Variants in ZNF446 observed in about 807,000 individuals in gnomAD.
ZNF446 encodes zinc finger protein with KRAB and SCAN domains 20.
Under a neutral mutation model 34.0 loss-of-function variants are expected in ZNF446, and 42 were observed. That is an observed-to-expected ratio of 1.23 (90% CI 0.96 to 1.60). The LOEUF (loss-of-function observed/expected upper bound fraction) is 1.60, where lower values mean the gene tolerates loss of function less well. ZNF446 is among the 40% of genes most tolerant of loss of function. ZNF446 has a pLI of 0.00. For synonymous variants in ZNF446, 315 were observed against 251.0 expected (o/e 1.25, Z -2.41); for missense variants, 650 against 600.2 (o/e 1.08, Z -0.87).
At chr19:58,486,591 A>G in the ZNF446 span, among the ~76,000 whole-genome samples, 3 of 146,542 alleles carry the variant, frequency 2.0e-5, no homozygotes, top group African/African-American at 7.7e-5. Context: ...TATTTTTAGT[A>G]GAGGCGGGGT....
rs2053106263 is a variant in ZNF446 at position 58,478,158 on chromosome 19, TC to T, written c.606del (p.Phe203SerfsTer163). On this transcript the variant is annotated frameshift_variant, in exon 4 of 7. Coordinates refer to ENST00000594369, the MANE Select transcript of ZNF446 (RefSeq NM_017908.4). LOFTEE classifies it high-confidence loss of function. ...TGGACACCAAGAACCAGCCTCCACA[TC>T]CTTCCACCCACCCAGGATTCAGGTG... ...NHGHQEPAST[S>X]FHPPRIQEEW... The T allele has an allele frequency of 1.9e-6, 3 of 1,613,800 alleles. No individual in the cohort carries two copies. Among genetic ancestry groups the T allele is most frequent in the Non-Finnish European group, 2.5e-6 (3 of 1,179,908 alleles).
intron 4 of ZNF446, among the ~76,000 whole-genome samples, chr19:58,478,612 C>G (rs911499541): frequency 6.6e-6 from 1 of 151,016 alleles, no homozygotes; most frequent in Non-Finnish European, 1.5e-5. Flanking sequence ...TGCAGTGAGC[C>G]GAGATTGTGC....
chr19:58,483,269 G>A (rs540885848), downstream of ZNF446, among the ~76,000 whole-genome samples: 54 of 152,214 alleles, frequency 3.5e-4, no homozygotes, highest in Non-Finnish European at 6.6e-4. Context: ...AAGGCAGGTG[G>A]ACCACTTGGA....
rs745416563 is a variant in ZNF446 at position 58,480,698 on chromosome 19, G to T, written c.1325G>T (p.Arg442Leu). The part of the protein sequence containing the change: ...FDWKSQLVIH[R>L]KGHRPEVP Reference sequence around the variant, plus strand: ...TGGAAGTCGCAGCTGGTCATCCACCGCAAGGGCCACCGGCCGGAGGTTCCA... The same window carrying T: ...TGGAAGTCGCAGCTGGTCATCCACCTCAAGGGCCACCGGCCGGAGGTTCCA... The change falls in exon 7 of 7, where the codon CGC becomes CTC. Residue 442 changes from arginine to leucine, a missense_variant. Transcript: ENST00000594369. This position sits in a 1 kb window ranked among gnomAD's most constrained non-coding sequence, Gnocchi z 7.2. The T allele has an allele frequency of 6.2e-7, 1 of 1,607,510 alleles. No homozygotes were observed. Among genetic ancestry groups the T allele is most frequent in the Non-Finnish European group, 8.5e-7 (1 of 1,179,446 alleles).
the ZNF446 span, among the ~76,000 whole-genome samples, chr19:58,488,959 T>C: frequency 6.6e-6 from 1 of 151,942 alleles, no homozygotes; most frequent in Non-Finnish European, 1.5e-5. Context: ...CTTTGCAAAA[T>C]TATGACTAAG....
chr19:58,483,283 C>T (rs62117599), downstream of ZNF446, among the ~76,000 whole-genome samples: 44,414 of 151,942 alleles, frequency 0.29, 7,765 homozygotes, highest in Middle Eastern at 0.52. Flanking sequence ...ACTTGGAGTT[C>T]GACACCAGCC....
chr19:58,485,858 G>C (rs2053165904), downstream of ZNF446, among the ~76,000 whole-genome samples: 1 of 151,974 alleles, frequency 6.6e-6, no homozygotes, highest in Non-Finnish European at 1.5e-5. Flanking sequence ...GGGATTACAG[G>C]CTGAGCCACC....
downstream of ZNF446, among the ~76,000 whole-genome samples, chr19:58,485,367 G>A (rs1253326479): frequency 2.0e-5 from 3 of 151,264 alleles, no homozygotes; most frequent in East Asian, 2.0e-4. Flanking sequence ...AAAATTAGCC[G>A]GGTATAGTGG....
At position 58,476,357 on chromosome 19, in the gene ZNF446, C is replaced by T. The variant is rs1218123059; in HGVS notation, c.-188C>T. Reference sequence around the variant, plus strand: ...ACCTCAGCCTTCGCTCAGGCCTTTCCTACCCTCAACGCCGTTCCGGGGGGC... The same window carrying T: ...ACCTCAGCCTTCGCTCAGGCCTTTCTTACCCTCAACGCCGTTCCGGGGGGC... On this transcript the variant is annotated 5_prime_UTR_variant, in exon 1 of 7. Coordinates refer to ENST00000594369, the MANE Select transcript of ZNF446 (RefSeq NM_017908.4). 1 of 152,336 alleles carries T rather than the reference C, an allele frequency of 6.6e-6. No homozygotes were observed. The highest frequency in any genetic ancestry group is 1.5e-5 in the Non-Finnish European group (1 of 68,120). 9.4% of individuals were successfully genotyped at this position (152,336 alleles called of 1,614,324 possible).
rs1372015055 is a variant in ZNF446 at position 58,477,632 on chromosome 19, C to G, written c.343-5C>G. The stretch of plus-strand genomic sequence containing the variant: ...GAGCCATTGTGACCTACCTCTTCTC[C>G]TCAGATCACAGCCCATGTCCTGAAG... On this transcript the variant is annotated splice_polypyrimidine_tract_variant and splice_region_variant and intron_variant, in intron 2 of 6. Coordinates refer to ENST00000594369, the MANE Select transcript of ZNF446 (RefSeq NM_017908.4). The G allele has an allele frequency of 1.9e-6, 3 of 1,613,728 alleles. No individual in the cohort carries two copies. Among genetic ancestry groups the G allele is most frequent in the South Asian group, 2.2e-5 (2 of 91,084 alleles).
Position 58,477,314 on chromosome 19 carries a change from C to T in ZNF446, c.96C>T (p.Phe32=). Residue 32 remains phenylalanine (F), a synonymous_variant, in exon 2 of 7, where the codon TTC becomes TTT. Coordinates refer to ENST00000594369, the MANE Select transcript of ZNF446 (RefSeq NM_017908.4). ...PETARLRFRG[F]CYQEVAGPRE... ...CTGCCCGCCTCCGCTTCCGAGGGTT[C>T]TGCTACCAGGAGGTGGCAGGTCCCC... The T allele has an allele frequency of 6.2e-7, 1 of 1,613,316 alleles. No homozygotes were observed. The highest frequency in any genetic ancestry group is 1.3e-5 in the African/African-American group (1 of 75,048).
chr19:58,479,622 A>G (rs774207575), intron 4 of ZNF446, 21 bp from the exon 5 acceptor site: 1 of 1,612,648 alleles, frequency 6.2e-7, no homozygotes, highest in Admixed American at 1.7e-5. Flanking sequence ...AGACGCCTAC[A>G]GTGATGGGCC....
At position 58,478,149 on chromosome 19, in the gene ZNF446, G is replaced by C. The variant is rs1249382783; in HGVS notation, c.595G>C (p.Ala199Pro). The C allele has an allele frequency of 6.2e-7, 1 of 1,613,936 alleles. No individual in the cohort carries two copies. The highest frequency in any genetic ancestry group is 1.7e-5 in the Admixed American group (1 of 59,988). ...PEGNHGHQEP[A>P]STSFHPPRIQ... ...GGGGAACCATGGACACCAAGAACCA[G>C]CCTCCACATCCTTCCACCCACCCAG... The change falls in exon 4 of 7, where the codon GCC (alanine) becomes CCC (proline). Residue 199 changes from alanine (A) to proline (P), a missense_variant. Ala to Pro is a conservative substitution (Grantham distance 27, BLOSUM62 -1). Coordinates refer to ENST00000594369, the MANE Select transcript of ZNF446 (RefSeq NM_017908.4).
chr19:58,480,056 C>T lies in ZNF446; in HGVS notation c.802+37C>T, dbSNP rs1184970679. Reference sequence around the variant, plus strand: ...ACACCATCCAGCCTGAATCACCCCTCCTGTATCGGTGGGACCTGAGCCACC... The same window carrying T: ...ACACCATCCAGCCTGAATCACCCCTTCTGTATCGGTGGGACCTGAGCCACC... On this transcript the variant is annotated intron_variant, in intron 6 of 6. Coordinates refer to ENST00000594369, the MANE Select transcript of ZNF446 (RefSeq NM_017908.4). This position sits in a 1 kb window ranked among gnomAD's most constrained non-coding sequence, Gnocchi z 7.2. 2 of 1,566,062 alleles carry T rather than the reference C, an allele frequency of 1.3e-6. No individual in the cohort carries two copies. The highest frequency in any genetic ancestry group is 1.3e-5 in the African/African-American group (1 of 74,084).
downstream of ZNF446, among the ~76,000 whole-genome samples, chr19:58,481,665 C>A (rs1600013842): frequency 6.6e-6 from 1 of 152,234 alleles, no homozygotes; most frequent in Non-Finnish European, 1.5e-5. Context: ...CGCCAATGCA[C>A]TGTATTAGTT....
In ZNF446 at chr19:58,477,307, G is replaced by T; in HGVS notation, c.89G>T (p.Arg30Leu). 2.5e-6 allele frequency: 4 copies of T among 1,613,134 alleles called. No homozygotes were observed. The highest frequency in any genetic ancestry group is 3.4e-6 in the Non-Finnish European group (4 of 1,179,930). ...CCTGAGACTGCCCGCCTCCGCTTCC[G>T]AGGGTTCTGCTACCAGGAGGTGGCA... ...EEPETARLRF[R>L]GFCYQEVAGP... The change falls in exon 2 of 7, where the codon CGA (arginine) becomes CTA (leucine). Residue 30 changes from arginine (R) to leucine (L), a missense_variant. Transcript: ENST00000594369.
rs1464990353 is a variant in ZNF446, at chr19:58,480,570, G to A, written c.1197G>A (p.Glu399=). 1 of 1,612,886 alleles carries A rather than the reference G, an allele frequency of 6.2e-7. No homozygotes were observed. The highest frequency in any genetic ancestry group is 8.5e-7 in the Non-Finnish European group (1 of 1,179,982). The part of the protein sequence containing the change: ...LTGPRSYPCE[E]CGCSFSWKSQ... The stretch of plus-strand genomic sequence containing the variant: ...GCCCCCGGAGTTACCCGTGTGAGGA[G>A]TGCGGGTGCAGCTTCAGCTGGAAGT... Residue 399 remains glutamate, a synonymous_variant, in exon 7 of 7, where the codon GAG becomes GAA. Transcript: ENST00000594369. The surrounding 1 kb of genome is among the most constrained non-coding windows in gnomAD (Gnocchi z 7.2).
rs150685554 is a variant in ZNF446 at position 58,480,427 on chromosome 19, C to A, written c.1054C>A (p.Arg352=). 1 of 1,612,750 alleles carries A rather than the reference C, an allele frequency of 6.2e-7. No homozygotes were observed. Among genetic ancestry groups the A allele is most frequent in the Non-Finnish European group, 8.5e-7 (1 of 1,179,878 alleles). Residue 352 remains arginine (R), a synonymous_variant, in exon 7 of 7, where the codon CGG becomes AGG. Coordinates refer to ENST00000594369, the MANE Select transcript of ZNF446 (RefSeq NM_017908.4). This position sits in a 1 kb window ranked among gnomAD's most constrained non-coding sequence, Gnocchi z 7.2. ...GAAGTCAGTGTTCGTCATCCACCAC[C>A]GGACACACACGAGTGGGCCAGGTGT... The part of the protein sequence containing the change: ...DWKSVFVIHH[R]THTSGPGVQS...
chr19:58,487,376 C>T, the ZNF446 span, among the ~76,000 whole-genome samples: 5 of 152,076 alleles, frequency 3.3e-5, no homozygotes, highest in Non-Finnish European at 7.3e-5. Flanking sequence ...TGCCTCACGA[C>T]TAAAGAAACA....
Sources: gnomAD v4.1 joint callset for allele counts (sites outside exome capture counted in the v4.1 genomes callset) on GRCh38, gnomAD v4.1.1 for gene constraint, Gnocchi (gnomAD v3.1) non-coding constraint, MANE v1.5 for transcripts, NCBI Gene and HGNC (gene_info 2026-07-23, HGNC 2026-07-21) for gene names.